Variants in PDZRN3 observed in about 807,000 individuals in gnomAD.
PDZRN3 encodes the protein E3 ubiquitin-protein ligase PDZRN3.
Under a neutral mutation model 85.7 loss-of-function variants are expected in PDZRN3, and 38 were observed. That is an observed-to-expected ratio of 0.44 (90% CI 0.34 to 0.58). PDZRN3 has a LOEUF of 0.58. Ranked by LOEUF, PDZRN3 falls within the 20% of genes least tolerant of loss-of-function variation. The probability of loss-of-function intolerance (pLI) is 0.01; values close to 1 mark genes in which losing one functional copy is unlikely to be tolerated. For missense variants in PDZRN3, 1,629 were observed against 1,506.4 expected, an observed-to-expected ratio of 1.08 and a Z score of -1.35; for synonymous variants, 759 against 638.0, an observed-to-expected ratio of 1.19 and a Z score of -2.86.
chr3:73,518,714 T>G (rs77888256), intron 3 of PDZRN3, among the ~76,000 whole-genome samples: 4,419 of 152,176 alleles, frequency 0.029, 220 homozygotes, highest in African/African-American at 0.1. Flanking sequence ...AGGGCCTGCT[T>G]CCCAGTTCAT....
chr3:73,451,441 C>T (rs9823443), intron 3 of PDZRN3, among the ~76,000 whole-genome samples: 111,663 of 152,062 alleles, frequency 0.73, 42,132 homozygotes, highest in East Asian at 0.91. Context: ...ACCACAAGTG[C>T]TGAATATGTT....
chr3:73,401,571 A>C (rs1423973153), intron 4 of PDZRN3, among the ~76,000 whole-genome samples: 1 of 152,208 alleles, frequency 6.6e-6, no homozygotes. Context: ...ATGCACATAC[A>C]AACATGTAGG....
At chr3:73,574,464 G>GGGC (rs1559744820) in intron 3 of PDZRN3, among the ~76,000 whole-genome samples, 1 of 93,720 alleles carries the variant, frequency 1.1e-5, no homozygotes, top group Non-Finnish European at 2.1e-5. Context: ...GGGTGGGGGG[G>GGGC]GTGGGGAGGG....
rs943676307 is a variant in PDZRN3 at position 73,548,587 on chromosome 3, T to C, written c.918+53767A>G. Among the ~76,000 whole-genome samples, 14 of 152,296 alleles carry C rather than the reference T, an allele frequency of 9.2e-5. 1 individual carries two copies. The highest frequency in any genetic ancestry group is 6.8e-3 in the Middle Eastern group (2 of 294). ...GTGGGCAGACATCCATATTGTAAGA[T>C]TGGTAATCTTGGCCTCTGCCTTTTC... is the stretch of plus-strand genomic sequence containing the variant. On this transcript the variant is annotated intron_variant, in intron 3 of 9. Transcript: ENST00000263666.
At chr3:73,489,571 T>TTG (rs1559705211) in intron 3 of PDZRN3, among the ~76,000 whole-genome samples, 5 of 79,148 alleles carry the variant, frequency 6.3e-5, no homozygotes, top group African/African-American at 1.1e-4. Flanking sequence ...GGGCAGTTTC[T>TTG]TTTCTTTTTT....
intron 3 of PDZRN3, among the ~76,000 whole-genome samples, chr3:73,475,144 C>A (rs1371195311): frequency 6.6e-6 from 1 of 152,170 alleles, no homozygotes; most frequent in Non-Finnish European, 1.5e-5. Context: ...GCCAGTCTGG[C>A]TCCAAGCTCT....
chr3:73,624,661 G>A lies in PDZRN3; in HGVS notation c.165C>T (p.Arg55=). 1 of 1,527,506 alleles carries A rather than the reference G, an allele frequency of 6.5e-7. No individual in the cohort carries two copies. The highest frequency in any genetic ancestry group is 8.8e-7 in the Non-Finnish European group (1 of 1,142,038). The allele number at this position is 1,527,506 out of a possible 1,614,324, so 94.6% of individuals were successfully genotyped here. The change falls in exon 1 of 10, where the codon CGC becomes CGT. Residue 55 remains arginine (R), a synonymous_variant. Transcript: ENST00000263666. ...CTTTGGCCGACAGGCGACCGCGGCA[G>A]CGCGCCGGGCAGCTGCCCTCCTGCA... is the stretch of plus-strand genomic sequence containing the variant. ...WVVQEGSCPA[R]CRGRLSAKEL...
chr3:73,430,008 G>A (rs192916453), intron 3 of PDZRN3, among the ~76,000 whole-genome samples: 9 of 152,274 alleles, frequency 5.9e-5, no homozygotes, highest in Non-Finnish European at 1.2e-4. Context: ...AAACTGACCC[G>A]CAGGTTCCCT....
chr3:73,438,317 T>C (rs1027985503), intron 3 of PDZRN3, among the ~76,000 whole-genome samples: 5 of 152,230 alleles, frequency 3.3e-5, no homozygotes, highest in Non-Finnish European at 7.3e-5. Context: ...TCAGCAGATG[T>C]AGACATGAAC....
chr3:73,483,801 C>T (rs752840138), intron 3 of PDZRN3, among the ~76,000 whole-genome samples: 5 of 152,026 alleles, frequency 3.3e-5, no homozygotes. Flanking sequence ...GTCTGGCTGA[C>T]GTTTGGGTTG....
chr3:73,441,274 G>A (rs1018050947), intron 3 of PDZRN3, among the ~76,000 whole-genome samples: 2 of 151,892 alleles, frequency 1.3e-5, no homozygotes, highest in East Asian at 1.9e-4. Context: ...TTAGTTGGGC[G>A]TGGTGGAGCA....
chr3:73,501,361 C>A (rs1301268907), intron 3 of PDZRN3, among the ~76,000 whole-genome samples: 1 of 152,160 alleles, frequency 6.6e-6, no homozygotes, highest in Non-Finnish European at 1.5e-5. Context: ...CTACTTTTAA[C>A]ATGTTCCTGG....
intron 3 of PDZRN3, among the ~76,000 whole-genome samples, chr3:73,498,494 C>G (rs766923714): frequency 6.6e-6 from 1 of 152,116 alleles, no homozygotes; most frequent in African/African-American, 2.4e-5. Flanking sequence ...ACATCAAAAA[C>G]AATGAATTAA....
chr3:73,405,379 CT>C (rs1238094796), intron 3 of PDZRN3, among the ~76,000 whole-genome samples: 2 of 152,190 alleles, frequency 1.3e-5, no homozygotes, highest in African/African-American at 4.8e-5. Flanking sequence ...TCTCTTTTCC[CT>C]TCCCCCATAA....
chr3:73,577,116 A>G (rs1348708857), intron 3 of PDZRN3, among the ~76,000 whole-genome samples: 17 of 152,222 alleles, frequency 1.1e-4, no homozygotes, highest in Non-Finnish European at 2.9e-5. Context: ...ATTTTCATTC[A>G]TTCATTCTAG....
intron 3 of PDZRN3, among the ~76,000 whole-genome samples, chr3:73,427,929 C>T (rs952832395): frequency 2.6e-5 from 4 of 152,036 alleles, no homozygotes; most frequent in African/African-American, 9.7e-5. Flanking sequence ...TAGAGTGGGT[C>T]GGGGGATTTT....
intron 3 of PDZRN3, among the ~76,000 whole-genome samples, chr3:73,447,482 C>A (rs1026023660): frequency 6.6e-6 from 1 of 152,190 alleles, no homozygotes; most frequent in Admixed American, 6.5e-5. Flanking sequence ...CTACACTTAA[C>A]TTCTCTTCTT....
intron 3 of PDZRN3, among the ~76,000 whole-genome samples, chr3:73,446,089 G>A (rs990019229): frequency 1.3e-5 from 2 of 152,218 alleles, no homozygotes; most frequent in African/African-American, 2.4e-5. Context: ...AAGCTGATAA[G>A]TGGGTGCTCT....
intron 3 of PDZRN3, among the ~76,000 whole-genome samples, chr3:73,532,034 C>T (rs1447884288): frequency 1.3e-5 from 2 of 152,194 alleles, no homozygotes; most frequent in Non-Finnish European, 2.9e-5. Context: ...CGGAGTCTCG[C>T]TCTGTCGCCC....
Sources: gnomAD v4.1 joint callset for allele counts (sites outside exome capture counted in the v4.1 genomes callset) on GRCh38, gnomAD v4.1.1 for gene constraint, MANE v1.5 for transcripts, NCBI Gene and HGNC (gene_info 2026-07-23, HGNC 2026-07-21) for gene names.